CRB1: variants seen among roughly 807,000 people sequenced by gnomAD.
CRB1 encodes protein crumbs homolog 1.
In CRB1, 83 loss-of-function variants were observed where a neutral mutation model predicts 120.0. The ratio of observed to expected loss-of-function variants is 0.69; its 90% CI spans 0.58 to 0.83. The LOEUF (loss-of-function observed/expected upper bound fraction) is 0.83, where lower values mean the gene tolerates loss of function less well. Ranked by LOEUF, CRB1 falls within the 40% of genes least tolerant of loss-of-function variation. CRB1 has a pLI of 0.00. For synonymous variants in CRB1, 625 were observed against 612.5 expected (o/e 1.02, Z -0.30); for missense variants, 1,699 against 1,687.6 (o/e 1.01, Z -0.12).
rs754542005 is a variant in CRB1 at position 197,427,952 on chromosome 1, C to T, written c.2627C>T (p.Pro876Leu). 5 of 1,613,810 alleles carry T rather than the reference C, an allele frequency of 3.1e-6. No individual in the cohort carries two copies. The highest frequency in any genetic ancestry group is 3.4e-6 in the Non-Finnish European group (4 of 1,179,952). The part of the protein sequence containing the change: ...PNPTNNASLN[P>L]VLVNVTQGCA... ...CCAACAAACAATGCATCTCTCAATCCAGTTCTTGTCAATGTAACCCAAGGC... is the reference window on the plus strand; with the variant it reads ...CCAACAAACAATGCATCTCTCAATCTAGTTCTTGTCAATGTAACCCAAGGC... Residue 876 changes from proline (P) to leucine (L), a missense_variant, in exon 7 of 12, where the codon CCA becomes CTA. Transcript: ENST00000367400.
intron 5 of CRB1, among the ~76,000 whole-genome samples, chr1:197,385,169 A>C (rs1049978106): frequency 2.0e-5 from 3 of 152,162 alleles, no homozygotes; most frequent in Non-Finnish European, 4.4e-5. Flanking sequence ...CACAACTTCT[A>C]ACCCTTGAGA....
At chr1:197,268,569 TATAAA>T in intron 1 of CRB1, 87 bp downstream of exon 1, 2 of 1,059,254 alleles carry the variant, frequency 1.9e-6, no homozygotes, top group Middle Eastern at 2.0e-4. Flanking sequence ...TTGCATGTTC[TATAAA>T]ATACAATGCT....
chr1:197,255,532 C>G, the CRB1 span, among the ~76,000 whole-genome samples: 5 of 152,008 alleles, frequency 3.3e-5, no homozygotes, highest in African/African-American at 4.8e-5. Flanking sequence ...TGTTCACATC[C>G]TAGTTGGAAA....
chr1:197,241,973 C>G, the CRB1 span, among the ~76,000 whole-genome samples: 2 of 152,118 alleles, frequency 1.3e-5, no homozygotes, highest in Admixed American at 1.3e-4. Flanking sequence ...GGAATTCACT[C>G]ATGATTTGGC....
the CRB1 span, among the ~76,000 whole-genome samples, chr1:197,252,566 ATATATATATATATATATG>A: frequency 8.7e-5 from 4 of 45,724 alleles, no homozygotes; most frequent in African/African-American, 2.4e-4. Flanking sequence ...ATATATATAT[ATATATATATATATATATG>A]TGTGTGTGTG....
At chr1:197,312,299 C>T (rs974741182) in intron 1 of CRB1, among the ~76,000 whole-genome samples, 4 of 152,152 alleles carry the variant, frequency 2.6e-5, no homozygotes, top group Non-Finnish European at 4.4e-5. Context: ...TGCGGTGGCT[C>T]ATGCCTGTAA....
chr1:197,396,919 C>T (rs1472868113), intron 5 of CRB1, among the ~76,000 whole-genome samples: 1 of 151,882 alleles, frequency 6.6e-6, no homozygotes, highest in Non-Finnish European at 1.5e-5. Flanking sequence ...TAAAAAAGTA[C>T]AAATGATATA....
chr1:197,254,089 C>T, the CRB1 span, among the ~76,000 whole-genome samples: 1 of 152,080 alleles, frequency 6.6e-6, no homozygotes, highest in Non-Finnish European at 1.5e-5. Context: ...TCTTCTCCTT[C>T]TTTACGGAGA....
At chr1:197,400,014 G>C (rs1388354545) in intron 5 of CRB1, among the ~76,000 whole-genome samples, 1 of 152,160 alleles carries the variant, frequency 6.6e-6, no homozygotes, top group Non-Finnish European at 1.5e-5. Context: ...CTCAAGGGGA[G>C]GGGCTTATCC....
chr1:197,360,959 T>C (rs1660738220), intron 5 of CRB1, among the ~76,000 whole-genome samples: 1 of 152,252 alleles, frequency 6.6e-6, no homozygotes, highest in South Asian at 2.1e-4. Flanking sequence ...CTAAGAGTTT[T>C]TAATCATAAA....
At chr1:197,235,911 A>C in the CRB1 span, among the ~76,000 whole-genome samples, 1 of 152,116 alleles carries the variant, frequency 6.6e-6, no homozygotes, top group Non-Finnish European at 1.5e-5. Flanking sequence ...CATCCTGGTG[A>C]CTTGAATGCA....
At chr1:197,436,459 G>A (rs1333277108) in intron 9 of CRB1, among the ~76,000 whole-genome samples, 2 of 151,424 alleles carry the variant, frequency 1.3e-5, no homozygotes, top group Admixed American at 6.6e-5. Context: ...TGTTGTTCAA[G>A]GGTCAACTGT....
intron 2 of CRB1, among the ~76,000 whole-genome samples, chr1:197,342,593 G>T (rs1659533367): frequency 6.6e-6 from 1 of 151,998 alleles, no homozygotes; most frequent in Non-Finnish European, 1.5e-5. Context: ...CACGCTGGCT[G>T]CTCCAAATTT....
intron 5 of CRB1, among the ~76,000 whole-genome samples, chr1:197,370,862 G>A (rs766141419): frequency 1.3e-4 from 20 of 152,024 alleles, no homozygotes; most frequent in African/African-American, 4.1e-4. Flanking sequence ...TTCAGCATCC[G>A]TGTAGACAAC....
chr1:197,386,733 G>A (rs1177264391), intron 5 of CRB1, among the ~76,000 whole-genome samples: 1 of 152,018 alleles, frequency 6.6e-6, no homozygotes, highest in Non-Finnish European at 1.5e-5. Context: ...ATATACATGG[G>A]GGAAAATAAG....
At chr1:197,420,956 G>T in intron 5 of CRB1, 44 bp from the exon 6 acceptor site, 1 of 1,200,666 alleles carries the variant, frequency 8.3e-7, no homozygotes, top group East Asian at 2.3e-5. Context: ...TTCTATTTTT[G>T]ATGTGAATAT....
intron 11 of CRB1, among the ~76,000 whole-genome samples, chr1:197,473,096 G>A (rs1017973572): frequency 1.3e-5 from 2 of 152,162 alleles, no homozygotes; most frequent in Admixed American, 6.5e-5. Flanking sequence ...GAGTGGCAGA[G>A]GTAGGGCTGC....
At chr1:197,335,847 A>G (rs1483874197) in intron 2 of CRB1, among the ~76,000 whole-genome samples, 1 of 152,192 alleles carries the variant, frequency 6.6e-6, no homozygotes, top group Non-Finnish European at 1.5e-5. Context: ...CACCCTTAAC[A>G]TTTAAGATGG....
chr1:197,400,582 A>G (rs1348092980), intron 5 of CRB1, among the ~76,000 whole-genome samples: 2 of 152,124 alleles, frequency 1.3e-5, no homozygotes, highest in Admixed American at 1.3e-4. Context: ...GAACTCTTAC[A>G]AAACCTATCC....
Sources: gnomAD v4.1 joint callset for allele counts (sites outside exome capture counted in the v4.1 genomes callset) on GRCh38, gnomAD v4.1.1 for gene constraint, MANE v1.5 for transcripts, NCBI Gene and HGNC (gene_info 2026-07-23, HGNC 2026-07-21) for gene names.